RNF157: variants seen among roughly 807,000 people sequenced by gnomAD.
RNF157 encodes the protein E3 ubiquitin ligase RNF157.
Under a neutral mutation model 88.3 loss-of-function variants are expected in RNF157, and 55 were observed. The observed-to-expected ratio is 0.62, with a 90% CI of 0.50 to 0.78. RNF157 has a LOEUF of 0.78. Ranked by LOEUF, RNF157 falls within the 30% of genes least tolerant of loss-of-function variation. The pLI is 0.00. For synonymous variants in RNF157, 334 were observed against 341.2 expected, an observed-to-expected ratio of 0.98 and a Z score of 0.23; for missense variants, 788 against 860.8, an observed-to-expected ratio of 0.92 and a Z score of 1.06.
intron 1 of RNF157, among the ~76,000 whole-genome samples, chr17:76,230,893 A>AG (rs2070179883): frequency 6.8e-6 from 1 of 146,134 alleles, no homozygotes; most frequent in Non-Finnish European, 1.5e-5. Context: ...AGAAAGAGAG[A>AG]AAGAGAGAGA....
At chr17:76,234,504 G>T (rs1297658638) in intron 1 of RNF157, among the ~76,000 whole-genome samples, 1 of 151,978 alleles carries the variant, frequency 6.6e-6, no homozygotes, top group Non-Finnish European at 1.5e-5. Flanking sequence ...TGAGGGTTTC[G>T]CTCTCTCCAT....
intron 1 of RNF157, among the ~76,000 whole-genome samples, chr17:76,214,267 G>A (rs1568068984): frequency 1.3e-5 from 2 of 152,174 alleles, no homozygotes; most frequent in Non-Finnish European, 1.5e-5. Context: ...AGTGGTTGCT[G>A]GTGGAGAGAA....
intron 18 of RNF157, chr17:76,147,399 C>T: frequency 1.1e-6 from 1 of 944,922 alleles, no homozygotes; most frequent in Non-Finnish European, 1.3e-6. Context: ...CCACCACCAC[C>T]ACCGCCGCCG....
At chr17:76,153,889 C>G (rs775758458) in intron 17 of RNF157, 17 of 179,570 alleles carry the variant, frequency 9.5e-5, no homozygotes, top group Non-Finnish European at 9.3e-5. Flanking sequence ...CCCCCTCCCC[C>G]CAGTGGAAGA....
intron 2 of RNF157, among the ~76,000 whole-genome samples, chr17:76,206,664 T>C (rs1168538826): frequency 6.6e-6 from 1 of 152,206 alleles, no homozygotes; most frequent in Non-Finnish European, 1.5e-5. Context: ...TACCTGGGCA[T>C]GGTGGTTCGC....
rs1390847525 is a variant in RNF157, at chr17:76,240,133, C to T, written c.88+20G>A. The T allele has an allele frequency of 3.1e-6, 4 of 1,295,906 alleles. No homozygotes were observed. Among genetic ancestry groups the T allele is most frequent in the East Asian group, 3.0e-5 (1 of 33,564 alleles). 80.3% of individuals were successfully genotyped at this position (1,295,906 alleles called of 1,614,324 possible). ...CTGCCCCTCTCCCTCCTCGCGGCTG[C>T]GGCGCCCGCCCGCCCTCACCGGACT... On this transcript the variant is annotated intron_variant, in intron 1 of 18. Transcript: ENST00000269391. This position sits in a 1 kb window ranked among gnomAD's most constrained non-coding sequence, Gnocchi z 4.4.
At position 76,210,183 on chromosome 17, in the gene RNF157, G is replaced by C. The variant is rs116496940; in HGVS notation, c.207+2181C>G. On this transcript the variant is annotated intron_variant, in intron 2 of 18. Coordinates refer to ENST00000269391, the MANE Select transcript of RNF157 (RefSeq NM_052916.3). ...CCAAGGCAGTAGTAACAAAATCAAA[G>C]AGTAGACATCTGATAAGTATTACTT... Among the ~76,000 whole-genome samples, 818 of 152,298 alleles carry C rather than the reference G, an allele frequency of 5.4e-3. 9 individuals are homozygous for C. The highest frequency in any genetic ancestry group is 0.018 in the African/African-American group (759 of 41,560).
intron 1 of RNF157, among the ~76,000 whole-genome samples, chr17:76,231,237 T>C (rs1183853206): frequency 6.6e-6 from 1 of 152,126 alleles, no homozygotes; most frequent in East Asian, 1.9e-4. Flanking sequence ...GACCTCATGA[T>C]CCGCCCGCCT....
At chr17:76,217,652 A>C (rs778590454) in intron 1 of RNF157, among the ~76,000 whole-genome samples, 11 of 152,222 alleles carry the variant, frequency 7.2e-5, no homozygotes, top group Non-Finnish European at 1.5e-4. Flanking sequence ...GTGGGGGAAA[A>C]GAACTCTACT....
chr17:76,161,454 C>G lies in RNF157; in HGVS notation c.1065+81G>C, dbSNP rs559894476. The stretch of plus-strand genomic sequence containing the variant: ...CCTGGTCTAATTCCTTGCTGCAATG[C>G]CACGTAGAGAAGCATGAAAAGTTTA... On this transcript the variant is annotated intron_variant, in intron 11 of 18. Transcript: ENST00000269391. This position sits in a 1 kb window ranked among gnomAD's most constrained non-coding sequence, Gnocchi z 4.6. The G allele has an allele frequency of 9.4e-7, 1 of 1,061,180 alleles. No individual in the cohort carries two copies. Among genetic ancestry groups the G allele is most frequent in the East Asian group, 2.4e-5 (1 of 42,302 alleles). 65.7% of individuals were successfully genotyped at this position (1,061,180 alleles called of 1,614,324 possible). A position where few individuals can be genotyped will look rare whatever the true frequency, so the allele number is the denominator to read the frequency against.
chr17:76,158,516 T>C lies in RNF157; in HGVS notation c.1305-15A>G. The C allele has an allele frequency of 6.4e-7, 1 of 1,570,766 alleles. No homozygotes were observed. Among genetic ancestry groups the C allele is most frequent in the Non-Finnish European group, 8.8e-7 (1 of 1,141,114 alleles). ...GGGAAGTGGATCTGTAGGAGTCCAG[T>C]GGAAAAGCAGCTATATCCAACGTCC... On this transcript the variant is annotated splice_polypyrimidine_tract_variant and intron_variant, in intron 12 of 18. Coordinates refer to ENST00000269391, the MANE Select transcript of RNF157 (RefSeq NM_052916.3).
chr17:76,227,413 G>A (rs1003219085), intron 1 of RNF157, among the ~76,000 whole-genome samples: 7 of 151,772 alleles, frequency 4.6e-5, no homozygotes, highest in Non-Finnish European at 1.0e-4. Flanking sequence ...GAGTCACTGC[G>A]CCTGGCCTAT....
In RNF157 at chr17:76,143,234, G is replaced by A. The variant is rs1309189550; in HGVS notation, c.*2001C>T. ...TCTTTCCGTGCTTCTCCCTAGGAGAGGACTAAGCACCTGCTGCGAGGAAGG... is the reference window on the plus strand; with the variant it reads ...TCTTTCCGTGCTTCTCCCTAGGAGAAGACTAAGCACCTGCTGCGAGGAAGG... On this transcript the variant is annotated 3_prime_UTR_variant, in exon 19 of 19. Transcript: ENST00000269391. 1 of 152,274 alleles carries A rather than the reference G, an allele frequency of 6.6e-6. No individual in the cohort carries two copies. Among genetic ancestry groups the A allele is most frequent in the Non-Finnish European group, 1.5e-5 (1 of 68,064 alleles). 9.4% of individuals were successfully genotyped at this position (152,274 alleles called of 1,614,324 possible).
intron 2 of RNF157, among the ~76,000 whole-genome samples, chr17:76,203,095 A>T (rs1340507396): frequency 6.6e-6 from 1 of 151,830 alleles, no homozygotes; most frequent in Non-Finnish European, 1.5e-5. Flanking sequence ...GGTTCAAGCG[A>T]TTCTTATGCC....
Position 76,165,509 on chromosome 17 carries a change from A to G in RNF157, c.665T>C (p.Phe222Ser), listed in dbSNP as rs1469119998. 6.2e-7 allele frequency: 1 copy of G among 1,614,062 alleles called. No individual in the cohort carries two copies. The highest frequency in any genetic ancestry group is 8.5e-7 in the Non-Finnish European group (1 of 1,180,020). Residue 222 changes from phenylalanine to serine, a missense_variant, in exon 7 of 19, where the codon TTT (phenylalanine) becomes TCT (serine). By Grantham distance (155) the Phe-to-Ser change is radical (BLOSUM62 -2). Coordinates refer to ENST00000269391, the MANE Select transcript of RNF157 (RefSeq NM_052916.3). ...FGHCHVLLGT[F>S]EKHTDGTFCV... is the part of the protein sequence containing the mutation. ...CCCTCTAAAGTCACTCACCTTCTCA[A>G]AAGTACCCAGCAGTACATGGCAATG...
At chr17:76,187,943 A>G (rs920606114) in intron 2 of RNF157, among the ~76,000 whole-genome samples, 1 of 152,026 alleles carries the variant, frequency 6.6e-6, no homozygotes, top group African/African-American at 2.4e-5. Context: ...ATGTGCGGAA[A>G]CCCTAATGGA....
chr17:76,190,383 C>A lies in RNF157; in HGVS notation c.208-16593G>T, dbSNP rs570938773. ...AGTTTCGCCATGTTGGCCAGGCTGG[C>A]CTCAAACCCCTGGCCCCAAGTGATC... On this transcript the variant is annotated intron_variant, in intron 2 of 18. Coordinates refer to ENST00000269391, the MANE Select transcript of RNF157 (RefSeq NM_052916.3). Among the ~76,000 whole-genome samples, 13 of 152,014 alleles carry A rather than the reference C, an allele frequency of 8.6e-5. No individual in the cohort carries two copies. In the South Asian group the frequency reaches 2.7e-3, roughly 32 times the overall value.
At chr17:76,148,930 C>T (rs973440148) in intron 18 of RNF157, among the ~76,000 whole-genome samples, 3 of 152,192 alleles carry the variant, frequency 2.0e-5, no homozygotes, top group Admixed American at 1.3e-4. Flanking sequence ...TCACTTGCCA[C>T]GATGACTTTC....
At chr17:76,187,166 A>G (rs1039100065) in intron 2 of RNF157, among the ~76,000 whole-genome samples, 10 of 151,572 alleles carry the variant, frequency 6.6e-5, no homozygotes, top group African/African-American at 2.4e-4. Context: ...TAACTCTAAT[A>G]GGATTTTCTT....
Sources: gnomAD v4.1 joint callset for allele counts (sites outside exome capture counted in the v4.1 genomes callset) on GRCh38, gnomAD v4.1.1 for gene constraint, Gnocchi (gnomAD v3.1) non-coding constraint, MANE v1.5 for transcripts, NCBI Gene and HGNC (gene_info 2026-07-23, HGNC 2026-07-21) for gene names.